The following HDAC9 variants were observed in gnomAD, a reference collection of about 807,000 sequenced individuals.
The protein encoded by HDAC9 is histone deacetylase 9, also known as MEF-2 interacting transcription repressor (MITR) protein.
Under a neutral mutation model 139.4 loss-of-function variants are expected in HDAC9, and 41 were observed. The observed-to-expected ratio is 0.29, with a 90% CI of 0.23 to 0.38. The LOEUF (loss-of-function observed/expected upper bound fraction) is 0.38. Among genes scored for constraint, HDAC9 ranks in the 10% least tolerant of loss-of-function variants. The probability of loss-of-function intolerance (pLI) is 1.00; values close to 1 mark genes in which losing one functional copy is unlikely to be tolerated. For synonymous variants in HDAC9, 517 were observed against 476.2 expected, an observed-to-expected ratio of 1.09 and a Z score of -1.12; for missense variants, 1,147 against 1,297.0, an observed-to-expected ratio of 0.88 and a Z score of 1.78.
At chr7:18,603,883 CT>C (rs1266200148) in intron 6 of HDAC9, among the ~76,000 whole-genome samples, 1 of 152,070 alleles carries the variant, frequency 6.6e-6, no homozygotes, top group Non-Finnish European at 1.5e-5. Flanking sequence ...ATTTCTCCTT[CT>C]TGTTTGGGAT....
At chr7:18,257,584 A>C (rs549682958) in intron 2 of HDAC9, among the ~76,000 whole-genome samples, 5 of 152,164 alleles carry the variant, frequency 3.3e-5, no homozygotes, top group African/African-American at 1.2e-4. Context: ...AGTGAACGGT[A>C]GGAGGTTTAT....
intron 2 of HDAC9, among the ~76,000 whole-genome samples, chr7:18,263,394 G>A (rs753236549): frequency 2.0e-5 from 3 of 152,120 alleles, no homozygotes; most frequent in Non-Finnish European, 4.4e-5. Flanking sequence ...AAGATCAGGA[G>A]GGCAGGCAGG....
At chr7:18,602,150 C>A (rs1452076182) in intron 6 of HDAC9, among the ~76,000 whole-genome samples, 1 of 151,826 alleles carries the variant, frequency 6.6e-6, no homozygotes, top group East Asian at 1.9e-4. Flanking sequence ...TAGATATAGG[C>A]CTATTTAAAT....
chr7:18,836,716 G>C (rs1338367557), intron 21 of HDAC9, among the ~76,000 whole-genome samples: 9 of 152,102 alleles, frequency 5.9e-5, no homozygotes, highest in Non-Finnish European at 8.8e-5. Context: ...CTGGAATTAA[G>C]AAAATATTAG....
intron 2 of HDAC9, among the ~76,000 whole-genome samples, chr7:18,223,392 T>G (rs963204640): frequency 1.5e-5 from 2 of 132,584 alleles, no homozygotes; most frequent in African/African-American, 5.4e-5. Flanking sequence ...CCCCGGTCAA[T>G]TTTTTTTTTT....
intron 25 of HDAC9, among the ~76,000 whole-genome samples, chr7:18,978,756 T>C (rs1784711196): frequency 6.6e-6 from 1 of 152,212 alleles, no homozygotes; most frequent in Admixed American, 6.5e-5. Context: ...GTTGACTATC[T>C]GTTTCAAAAT....
chr7:18,428,558 C>T (rs1790337119), intron 1 of HDAC9, among the ~76,000 whole-genome samples: 1 of 152,214 alleles, frequency 6.6e-6, no homozygotes, highest in Admixed American at 6.5e-5. Flanking sequence ...AAGTTAAAAC[C>T]ACAGTGAAAT....
intron 1 of HDAC9, among the ~76,000 whole-genome samples, chr7:18,489,503 A>G (rs111547989): frequency 1.3e-5 from 2 of 151,994 alleles, no homozygotes; most frequent in African/African-American, 4.8e-5. Flanking sequence ...TTTTGAATCC[A>G]TGCTTATAAA....
chr7:18,371,354 G>A (rs1470975174), intron 1 of HDAC9, among the ~76,000 whole-genome samples: 1 of 152,100 alleles, frequency 6.6e-6, no homozygotes, highest in Non-Finnish European at 1.5e-5. Context: ...TGTTAAGAAG[G>A]AAGATAAATG....
intron 22 of HDAC9, among the ~76,000 whole-genome samples, chr7:18,924,514 G>A (rs79466536): frequency 0.11 from 16,061 of 152,004 alleles, 986 homozygotes; most frequent in South Asian, 0.25. Flanking sequence ...TTTTGGTCTT[G>A]AAATTAAAAA....
chr7:18,458,513 A>G (rs183855154), intron 1 of HDAC9, among the ~76,000 whole-genome samples: 3 of 152,342 alleles, frequency 2.0e-5, no homozygotes, highest in African/African-American at 4.8e-5. Flanking sequence ...AGGAAGTAAG[A>G]TTTATTGTCC....
At chr7:18,655,625 TG>T (rs1790883780) in intron 11 of HDAC9, among the ~76,000 whole-genome samples, 2 of 152,188 alleles carry the variant, frequency 1.3e-5, no homozygotes, top group South Asian at 4.1e-4. Flanking sequence ...GATGAAATCC[TG>T]TGTTTGGAAA....
intron 1 of HDAC9, among the ~76,000 whole-genome samples, chr7:18,388,651 T>C (rs1786173199): frequency 1.3e-5 from 2 of 152,196 alleles, no homozygotes; most frequent in South Asian, 4.1e-4. Flanking sequence ...GCTCTTTTTC[T>C]TTCTTTCCAT....
intron 1 of HDAC9, among the ~76,000 whole-genome samples, chr7:18,415,240 G>T (rs1488542852): frequency 1.3e-5 from 2 of 152,192 alleles, no homozygotes; most frequent in African/African-American, 4.8e-5. Flanking sequence ...ATGGCTTAAA[G>T]TGTATGTGTT....
intron 22 of HDAC9, among the ~76,000 whole-genome samples, chr7:18,908,459 C>T (rs1320803895): frequency 1.3e-5 from 2 of 152,092 alleles, no homozygotes; most frequent in Non-Finnish European, 2.9e-5. Context: ...TGTAGTCACT[C>T]TACAGTGTTG....
chr7:18,451,365 G>A (rs1262516611), intron 1 of HDAC9, among the ~76,000 whole-genome samples: 1 of 112,256 alleles, frequency 8.9e-6, no homozygotes. Flanking sequence ...ACATGTATAT[G>A]TGCGTGTGTG....
intron 1 of HDAC9, among the ~76,000 whole-genome samples, chr7:18,437,690 C>T (rs1264441055): frequency 6.6e-6 from 1 of 151,502 alleles, no homozygotes. Context: ...CTCTGATGCC[C>T]TTAACTGTTA....
At chr7:18,118,411 T>C (rs1784154488) in intron 1 of HDAC9, among the ~76,000 whole-genome samples, 1 of 152,218 alleles carries the variant, frequency 6.6e-6, no homozygotes, top group Non-Finnish European at 1.5e-5. Flanking sequence ...GTCTTGGCCA[T>C]GTCACAGTTT....
intron 1 of HDAC9, among the ~76,000 whole-genome samples, chr7:18,470,493 G>C (rs1482447809): frequency 1.3e-5 from 2 of 152,042 alleles, no homozygotes; most frequent in Non-Finnish European, 2.9e-5. Context: ...AAAATGCAGA[G>C]GTAAAAGAAT....
Sources: gnomAD v4.1 joint callset for allele counts (sites outside exome capture counted in the v4.1 genomes callset) on GRCh38, gnomAD v4.1.1 for gene constraint, MANE v1.5 for transcripts, NCBI Gene and HGNC (gene_info 2026-07-23, HGNC 2026-07-21) for gene names.